GALK2: variants seen among roughly 807,000 people sequenced by gnomAD.
GALK2 encodes the protein N-acetylgalactosamine kinase.
In GALK2, 36 loss-of-function variants were observed where a neutral mutation model predicts 52.4. The ratio of observed to expected loss-of-function variants is 0.69; its 90% confidence interval spans 0.53 to 0.91. GALK2 has a LOEUF of 0.91. Among genes scored for constraint, GALK2 ranks in the 40% least tolerant of loss-of-function variants. The pLI is 0.00. For missense variants in GALK2, 579 were observed against 559.1 expected (o/e 1.04, Z -0.36); for synonymous variants, 176 against 199.1 (o/e 0.88, Z 0.98).
At chr15:49,264,694 C>G (rs1375016948) in intron 5 of GALK2, among the ~76,000 whole-genome samples, 11 of 152,182 alleles carry the variant, frequency 7.2e-5, no homozygotes, top group Non-Finnish European at 1.5e-4. Flanking sequence ...TTTTCCCCAT[C>G]TTTGTGGTTT....
rs939968409 is a variant in GALK2 at position 49,329,147 on chromosome 15, A to C, written c.*988A>C. 1.0e-6 allele frequency: 1 copy of C among 988,810 alleles called. No individual in the cohort carries two copies. Among genetic ancestry groups the C allele is most frequent in the African/African-American group, 1.7e-5 (1 of 57,360 alleles). The allele number at this position is 988,810 out of a possible 1,614,324, so 61.3% of individuals were successfully genotyped here. A position where few individuals can be genotyped will look rare whatever the true frequency, so the allele number is the denominator to read the frequency against. On this transcript the variant is annotated 3_prime_UTR_variant, in exon 10 of 10. Transcript: ENST00000560031. ...TGTTTGTATATATGCACCCCATTGTAAAGCAGGTATGCAGGTATGTGGGTG... is the reference window on the plus strand; with the variant it reads ...TGTTTGTATATATGCACCCCATTGTCAAGCAGGTATGCAGGTATGTGGGTG...
Position 49,329,905 on chromosome 15 carries a change from A to G in GALK2, c.*1746A>G. On this transcript the variant is annotated 3_prime_UTR_variant, in exon 10 of 10. Coordinates refer to ENST00000560031, the MANE Select transcript of GALK2 (RefSeq NM_002044.4). Reference sequence around the variant, plus strand: ...TCACAAAAGGTGAGTAAAAATTTCCAATGTGCACTCTTCTTTGGGGGACAC... The same window carrying G: ...TCACAAAAGGTGAGTAAAAATTTCCGATGTGCACTCTTCTTTGGGGGACAC... 3.7e-6 allele frequency: 1 copy of G among 273,620 alleles called. No homozygotes were observed. Among genetic ancestry groups the G allele is most frequent in the Non-Finnish European group, 5.6e-6 (1 of 179,490 alleles). The allele number at this position is 273,620 out of a possible 1,614,324, so 16.9% of individuals were successfully genotyped here. A position where few individuals can be genotyped will look rare whatever the true frequency, so the allele number is the denominator to read the frequency against.
chr15:49,193,406 ATATGT>A (rs1399142251), intron 1 of GALK2, among the ~76,000 whole-genome samples: 1 of 150,920 alleles, frequency 6.6e-6, no homozygotes, highest in Non-Finnish European at 1.5e-5. Flanking sequence ...TATCTACAAT[ATATGT>A]TATTTTCTGT....
intron 3 of GALK2, among the ~76,000 whole-genome samples, chr15:49,223,385 C>A (rs2089941571): frequency 6.6e-6 from 1 of 152,000 alleles, no homozygotes; most frequent in African/African-American, 2.4e-5. Context: ...ATAATTTCAA[C>A]TTTTATTTTA....
At chr15:49,299,738 T>G (rs200222146) in intron 8 of GALK2, among the ~76,000 whole-genome samples, 1 of 76,412 alleles carries the variant, frequency 1.3e-5, no homozygotes. Flanking sequence ...TTCTTTCTTT[T>G]CTTTCTTTCT....
chr15:49,354,900 G>C (rs926540201), intron 3 of GALK2, among the ~76,000 whole-genome samples: 1 of 152,044 alleles, frequency 6.6e-6, no homozygotes, highest in Non-Finnish European at 1.5e-5. Flanking sequence ...TCTGAGAACG[G>C]GCAGACTGCC....
chr15:49,272,889 G>T (rs1303629696), intron 5 of GALK2, among the ~76,000 whole-genome samples: 1 of 152,156 alleles, frequency 6.6e-6, no homozygotes, highest in African/African-American at 2.4e-5. Context: ...CTGTGACTTG[G>T]ATTGCAGATC....
intron 1 of GALK2, among the ~76,000 whole-genome samples, chr15:49,163,198 A>C (rs977048921): frequency 2.6e-5 from 4 of 152,244 alleles, no homozygotes; most frequent in African/African-American, 9.6e-5. Flanking sequence ...GGAATGTAGC[A>C]GTATACTATT....
intron 3 of GALK2, among the ~76,000 whole-genome samples, chr15:49,336,952 T>G (rs1369479403): frequency 2.0e-5 from 3 of 152,178 alleles, no homozygotes; most frequent in African/African-American, 7.2e-5. Context: ...TTAGAACATG[T>G]GGTATTTGGT....
At chr15:49,163,825 T>C (rs1380678873) in intron 1 of GALK2, among the ~76,000 whole-genome samples, 1 of 152,186 alleles carries the variant, frequency 6.6e-6, no homozygotes, top group Admixed American at 6.5e-5. Context: ...AATGAAAATG[T>C]GATGTGTTTA....
intron 8 of GALK2, among the ~76,000 whole-genome samples, chr15:49,316,267 G>T (rs1388390347): frequency 2.0e-5 from 3 of 152,198 alleles, no homozygotes; most frequent in African/African-American, 7.2e-5. Flanking sequence ...TGGTAATTTT[G>T]TTAGGTGTGA....
intron 1 of GALK2, among the ~76,000 whole-genome samples, chr15:49,174,727 A>G (rs768969143): frequency 2.1e-4 from 32 of 152,002 alleles, no homozygotes; most frequent in Non-Finnish European, 4.1e-4. Context: ...CATTTATTCT[A>G]TATATATTAT....
At chr15:49,201,072 G>GTGTT (rs1363501462) in intron 1 of GALK2, 90 bp from the exon 2 acceptor site, 1 of 657,658 alleles carries the variant, frequency 1.5e-6, no homozygotes, top group African/African-American at 1.8e-5. Context: ...GTGTGTGTGT[G>GTGTT]TGTGTGTGTG....
At chr15:49,240,843 G>T (rs1566969696) in intron 5 of GALK2, among the ~76,000 whole-genome samples, 2 of 34,872 alleles carry the variant, frequency 5.7e-5, no homozygotes, top group Non-Finnish European at 2.1e-4. Flanking sequence ...ACCATTGCAG[G>T]GTTTTAGGAA....
intron 5 of GALK2, among the ~76,000 whole-genome samples, chr15:49,258,952 G>A (rs1014805253): frequency 1.3e-5 from 2 of 151,396 alleles, no homozygotes; most frequent in Non-Finnish European, 2.9e-5. Context: ...GTCTTCTTTT[G>A]AGAAGTGTCA....
Position 49,328,606 on chromosome 15 carries a change from A to ATGATGG in GALK2, c.*453_*458dup, listed in dbSNP as rs756949145. 11 of 1,592,016 alleles carry ATGATGG rather than the reference A, an allele frequency of 6.9e-6. No homozygotes were observed. In the South Asian group the frequency reaches 7.9e-5, roughly 11 times the overall value. On this transcript the variant is annotated 3_prime_UTR_variant, in exon 10 of 10. Coordinates refer to ENST00000560031, the MANE Select transcript of GALK2 (RefSeq NM_002044.4). ...TCCTCAAAGTTGTAGTTGTCTGTTGATGATGGTGATGATGATGATGATGAC... is the reference window on the plus strand; with the variant it reads ...TCCTCAAAGTTGTAGTTGTCTGTTGATGATGGTGATGGTGATGATGATGATGATGAC...
At chr15:49,236,976 A>G (rs758512621) in intron 4 of GALK2, among the ~76,000 whole-genome samples, 11 of 152,226 alleles carry the variant, frequency 7.2e-5, no homozygotes, top group Admixed American at 2.6e-4. Flanking sequence ...TCTCAGACAC[A>G]TGGTAATAAC....
At chr15:49,300,968 T>G (rs568007189) in intron 8 of GALK2, among the ~76,000 whole-genome samples, 49 of 152,342 alleles carry the variant, frequency 3.2e-4, no homozygotes, top group African/African-American at 9.6e-4. Flanking sequence ...TTTGTTTCCA[T>G]GTTTAACACT....
downstream of GALK2, among the ~76,000 whole-genome samples, chr15:49,335,657 G>T (rs1196013185): frequency 6.6e-6 from 1 of 152,106 alleles, no homozygotes; most frequent in Non-Finnish European, 1.5e-5. Context: ...TACACTCAGA[G>T]GACTGAAAGA....
Sources: allele counts gnomAD v4.1 joint callset (sites outside exome capture counted in the v4.1 genomes callset), GRCh38; gene constraint gnomAD v4.1.1; transcripts MANE v1.5; gene names NCBI Gene and HGNC (gene_info 2026-07-23, HGNC 2026-07-21).